The following MACF1 variants were observed in gnomAD, a reference collection of about 807,000 sequenced individuals.
The protein encoded by MACF1 is microtubule-actin cross-linking factor 1.
A neutral mutation model predicts 854.8 loss-of-function variants in MACF1; 193 were observed. The observed-to-expected ratio is 0.23, with a 90% CI of 0.20 to 0.25. The LOEUF (loss-of-function observed/expected upper bound fraction) is 0.25. MACF1 is among the 10% of genes least tolerant of loss of function. The pLI is 1.00. For missense variants in MACF1, 7,722 were observed against 8,929.1 expected (o/e 0.86, Z 5.45); for synonymous variants, 3,185 against 3,226.7 (o/e 0.99, Z 0.44).
At chr1:39,392,668 T>G (rs2148577405) in intron 58 of MACF1, among the ~76,000 whole-genome samples, 1 of 152,284 alleles carries the variant, frequency 6.6e-6, no homozygotes, top group South Asian at 2.1e-4. Context: ...CCCCCCAGTC[T>G]TACTTGGGAC....
At chr1:39,310,161 A>C in intron 24 of MACF1, 84 bp from the exon 25 acceptor site, 1 of 1,078,452 alleles carries the variant, frequency 9.3e-7, no homozygotes, top group South Asian at 1.6e-5. Context: ...TGTTTTGTAT[A>C]TATGTTACTT....
chr1:39,184,026 T>C (rs1471154156), intron 2 of MACF1, among the ~76,000 whole-genome samples: 1 of 152,216 alleles, frequency 6.6e-6, no homozygotes, highest in Admixed American at 6.5e-5. Context: ...ATTGAGCTGC[T>C]GGAAGATATT....
At chr1:39,361,754 T>A in intron 49 of MACF1, 77 bp downstream of exon 49, 1 of 1,390,476 alleles carries the variant, frequency 7.2e-7, no homozygotes. Flanking sequence ...GCTGAGCGCA[T>A]ACTACATCAG....
chr1:39,105,221 C>T lies in MACF1; in HGVS notation c.220+20783C>T, dbSNP rs1002280437. ...GGGGGACCCGTGTGGGCAGCCCGGG[C>T]CCAGCCGGCCGCAGCCTGGGGCCGA... On this transcript the variant is annotated intron_variant, in intron 2 of 93. Transcript: ENST00000361689. The surrounding 1 kb of genome is among the most constrained non-coding windows in gnomAD (Gnocchi z 5.9). 6.6e-6 allele frequency among the ~76,000 whole-genome samples: 1 copy of T among 151,172 alleles called. No homozygotes were observed. Among genetic ancestry groups the T allele is most frequent in the Non-Finnish European group, 1.5e-5 (1 of 67,694 alleles).
At chr1:39,200,648 A>G (rs192137335), upstream of MACF1, among the ~76,000 whole-genome samples, 96 of 152,138 alleles carry the variant, frequency 6.3e-4, no homozygotes, top group African/African-American at 1.8e-3. Flanking sequence ...GCAGTGAGCC[A>G]AGATAGTGCC....
Position 39,485,576 on chromosome 1 carries a change from G to C in MACF1, c.22450G>C (p.Gly7484Arg). The change falls in exon 101 of 101, where the codon GGG becomes CGG. Residue 7484 changes from glycine to arginine, a missense_variant. Gly to Arg is a moderately radical substitution (Grantham distance 125). Coordinates refer to ENST00000564288, the MANE Select transcript of MACF1 (RefSeq NM_001394062.1). ...KSASRPGSRAGSRAGSRASSR... is the reference protein window; with the variant it reads ...KSASRPGSRARSRAGSRASSR... ...TGCCAGTCGCCCTGGGAGTCGGGCT[G>C]GGAGTCGAGCCGGGAGTCGAGCCAG... The C allele has an allele frequency of 6.2e-7, 1 of 1,613,890 alleles. No homozygotes were observed. Among genetic ancestry groups the C allele is most frequent in the Non-Finnish European group, 8.5e-7 (1 of 1,179,902 alleles).
rs962732901 is a variant in MACF1, at chr1:39,370,289, T to C, written c.13095+103T>C. 6 of 1,085,434 alleles carry C rather than the reference T, an allele frequency of 5.5e-6. No individual in the cohort carries two copies. The African/African-American group carries it at 6.4e-5, about 12-fold the overall frequency. The allele number at this position is 1,085,434 out of a possible 1,614,324, so 67.2% of individuals were successfully genotyped here. A position where few individuals can be genotyped will look rare whatever the true frequency, so the allele number is the denominator to read the frequency against. On this transcript the variant is annotated intron_variant, in intron 51 of 100. Transcript: ENST00000564288. The stretch of plus-strand genomic sequence containing the variant: ...TGGGGAAATGTATGAGAAATCCAAG[T>C]TGTCAGTCTGCATCAGAACAGAAAT...
intron 2 of MACF1, among the ~76,000 whole-genome samples, chr1:39,101,194 T>C (rs559885942): frequency 1.3e-5 from 2 of 150,312 alleles, no homozygotes; most frequent in African/African-American, 4.9e-5. Flanking sequence ...CCATCTCTAC[T>C]AAAAATACAA....
At chr1:39,157,660 A>G (rs1369482164) in intron 2 of MACF1, among the ~76,000 whole-genome samples, 1 of 152,204 alleles carries the variant, frequency 6.6e-6, no homozygotes, top group African/African-American at 2.4e-5. Context: ...ATGCTATCTC[A>G]TTGGCATGAT....
At chr1:39,407,434 G>A (rs1464126408) in intron 58 of MACF1, among the ~76,000 whole-genome samples, 1 of 152,206 alleles carries the variant, frequency 6.6e-6, no homozygotes, top group African/African-American at 2.4e-5. Context: ...TTCTGGGGCA[G>A]TGCCTTTAAA....
intron 1 of MACF1, chr1:39,206,857 C>T (rs143261796): frequency 6.6e-6 from 1 of 152,000 alleles, no homozygotes; most frequent in African/African-American, 2.4e-5. Context: ...TATGTACACT[C>T]TAATTACCTG....
At chr1:39,452,890 T>G (rs1352342689) in intron 87 of MACF1, 78 bp downstream of exon 87, 1 of 1,525,292 alleles carries the variant, frequency 6.6e-7, no homozygotes, top group African/African-American at 1.4e-5. Context: ...GAAAGCAACT[T>G]TTTCTTGGAA....
intron 2 of MACF1, among the ~76,000 whole-genome samples, chr1:39,109,011 G>C (rs1488255296): frequency 1.3e-5 from 2 of 152,128 alleles, no homozygotes; most frequent in African/African-American, 2.4e-5. Context: ...CTGCACAGAG[G>C]GTTACAAGTG....
rs559035991 is a variant in MACF1 at position 39,245,513 on chromosome 1, A to G, written c.172-4501A>G. ...AGGCTTGTCTTAAACTCCCAACCTCAGGTGATCTCCCAGCATCAGCCTCCC... is the reference window on the plus strand; with the variant it reads ...AGGCTTGTCTTAAACTCCCAACCTCGGGTGATCTCCCAGCATCAGCCTCCC... On this transcript the variant is annotated intron_variant, in intron 2 of 100. Transcript: ENST00000564288. Among the ~76,000 whole-genome samples, 10 of 152,266 alleles carry G rather than the reference A, an allele frequency of 6.6e-5. No homozygotes were observed. The South Asian group carries it at 2.1e-3, about 32-fold the overall frequency.
intron 26 of MACF1, among the ~76,000 whole-genome samples, chr1:39,311,636 A>G (rs1300488709): frequency 1.3e-5 from 2 of 152,242 alleles, no homozygotes; most frequent in African/African-American, 4.8e-5. Context: ...ATACAAAGAA[A>G]AGTAAATAAA....
chr1:39,286,590 C>T (rs192855704), intron 14 of MACF1, among the ~76,000 whole-genome samples: 130 of 151,930 alleles, frequency 8.6e-4, no homozygotes, highest in African/African-American at 2.9e-3. Context: ...CCTCAGCCTC[C>T]GGAGTAGCTG....
rs201878865 is a variant in MACF1 at position 39,368,251 on chromosome 1, A to C, written c.12875A>C (p.His4292Pro). ...SCGFALDLCQ[H>P]QDRVQNLRKD... is the part of the protein sequence containing the mutation. Reference sequence around the variant, plus strand: ...GGCTTTGCGCTGGACTTGTGCCAGCATCAGGACAGGGTACAGAATCTAAGA... The same window carrying C: ...GGCTTTGCGCTGGACTTGTGCCAGCCTCAGGACAGGGTACAGAATCTAAGA... The change falls in exon 50 of 101, where the codon CAT (histidine) becomes CCT (proline). Residue 4292 changes from histidine (H) to proline (P), a missense_variant. His to Pro is a moderately conservative substitution (Grantham distance 77). Around this residue, in one of 15 missense-constraint regions of MACF1, gnomAD observed 2,807 missense variants for 3,235.8 expected, o/e 0.87. Transcript: ENST00000564288. 2 of 1,614,192 alleles carry C rather than the reference A, an allele frequency of 1.2e-6. No homozygotes were observed. Among genetic ancestry groups the C allele is most frequent in the Non-Finnish European group, 1.7e-6 (2 of 1,180,020 alleles).
At chr1:39,291,763 G>GT (rs751326306) in intron 15 of MACF1, 147 bp from the exon 16 acceptor site, 84 of 671,564 alleles carry the variant, frequency 1.3e-4, no homozygotes, top group Non-Finnish European at 1.8e-4. Context: ...TAATTTTTGT[G>GT]TAAGAGGCTG....
In MACF1 at chr1:39,378,498, T is replaced by C; in HGVS notation, c.13251T>C (p.Ser4417=). 2 of 1,614,074 alleles carry C rather than the reference T, an allele frequency of 1.2e-6. No homozygotes were observed. The change falls in exon 53 of 101, where the codon AGT becomes AGC. Residue 4417 remains serine (S), a synonymous_variant. Transcript: ENST00000564288. ...CCTCTGTAGGAAGCTCTGTAGGCAG[T>C]GTAAACGGATACCACACCTGCAAAG... ...ILPSVGSSVG[S]VNGYHTCKDL...
Sources: gnomAD v4.1 joint callset for allele counts (sites outside exome capture counted in the v4.1 genomes callset) on GRCh38, gnomAD v4.1.1 for gene constraint, gnomAD v4.1.1 regional missense constraint, Gnocchi (gnomAD v3.1) non-coding constraint, MANE v1.5 for transcripts, NCBI Gene and HGNC (gene_info 2026-07-23, HGNC 2026-07-21) for gene names.